The following MTPN variants were observed in gnomAD, a reference collection of about 807,000 sequenced individuals.
MTPN encodes the protein myotrophin.
MTPN carries 2 observed loss-of-function variants against 13.5 expected under a neutral mutation model. The observed-to-expected ratio is 0.15, with a 90% CI of 0.06 to 0.47. The LOEUF (loss-of-function observed/expected upper bound fraction) is 0.47. Among genes scored for constraint, MTPN ranks in the 20% least tolerant of loss-of-function variants. MTPN has a pLI of 0.97. For synonymous variants in MTPN, 46 were observed against 51.7 expected, an observed-to-expected ratio of 0.89 and a Z score of 0.48; for missense variants, 79 against 137.9, an observed-to-expected ratio of 0.57 and a Z score of 2.14.
chr7:135,968,101 T>A (rs1019100852), intron 1 of MTPN, among the ~76,000 whole-genome samples: 1 of 151,736 alleles, frequency 6.6e-6, no homozygotes, highest in Middle Eastern at 3.4e-3. Flanking sequence ...TGGCCTACAA[T>A]TTTTTTTTAA....
intron 1 of MTPN, among the ~76,000 whole-genome samples, chr7:135,975,858 T>C (rs1323854019): frequency 6.6e-6 from 1 of 152,202 alleles, no homozygotes; most frequent in Non-Finnish European, 1.5e-5. Context: ...TGTAATGGCA[T>C]TAAATAAAGT....
intron 1 of MTPN, among the ~76,000 whole-genome samples, chr7:135,970,621 T>C (rs1034290017): frequency 6.6e-6 from 1 of 152,136 alleles, no homozygotes; most frequent in Non-Finnish European, 1.5e-5. Flanking sequence ...CTATCAGTTT[T>C]AATTCATTAA....
chr7:135,972,231 G>GCGCGCGCGCGCGCACACACACA (rs779296906), intron 1 of MTPN, among the ~76,000 whole-genome samples: 2 of 124,700 alleles, frequency 1.6e-5, no homozygotes, highest in African/African-American at 6.0e-5. Context: ...GCACGCGCGC[G>GCGCGCGCGCGCGCACACACACA]CACACACACA....
In MTPN at chr7:135,929,372, G is replaced by A. The variant is rs1257627824; in HGVS notation, c.*554C>T. On this transcript the variant is annotated 3_prime_UTR_variant, in exon 4 of 4. Transcript: ENST00000393085. ...CACCTTAACTAAGCTTTCACATAAA[G>A]CTTAAAGTCACCGAGGAAAGATTTG... 6.0e-6 allele frequency: 1 copy of A among 167,350 alleles called. No individual in the cohort carries two copies. Among genetic ancestry groups the A allele is most frequent in the Non-Finnish European group, 1.5e-5 (1 of 68,372 alleles). The allele number at this position is 167,350 out of a possible 1,614,324, so 10.4% of individuals were successfully genotyped here.
chr7:135,949,152 A>G (rs1392014757), intron 3 of MTPN, among the ~76,000 whole-genome samples: 1 of 152,224 alleles, frequency 6.6e-6, no homozygotes, highest in Admixed American at 6.5e-5. Context: ...TTTACTGTTT[A>G]AGCCTGTCTG....
intron 3 of MTPN, among the ~76,000 whole-genome samples, chr7:135,942,342 TAA>T (rs1397538818): frequency 6.6e-6 from 1 of 152,208 alleles, no homozygotes; most frequent in African/African-American, 2.4e-5. Context: ...ACATCAATCC[TAA>T]AGTCTTTGTA....
intron 1 of MTPN, among the ~76,000 whole-genome samples, chr7:135,961,632 T>G (rs748142980): frequency 2.0e-5 from 3 of 151,920 alleles, no homozygotes; most frequent in Non-Finnish European, 4.4e-5. Flanking sequence ...GGATTACAGG[T>G]TCAATGTGCT....
chr7:135,955,638 C>T (rs1799431827), intron 1 of MTPN, among the ~76,000 whole-genome samples: 1 of 152,068 alleles, frequency 6.6e-6, no homozygotes, highest in East Asian at 1.9e-4. Context: ...TACTGTATGC[C>T]AATATTCCTC....
At chr7:135,968,065 G>A (rs1584820536) in intron 1 of MTPN, among the ~76,000 whole-genome samples, 1 of 151,824 alleles carries the variant, frequency 6.6e-6, no homozygotes, top group East Asian at 1.9e-4. Flanking sequence ...CAAAATGCTG[G>A]GATTACAGAC....
Position 135,941,881 on chromosome 7 carries a change from C to CT in MTPN, c.270+8717dup, listed in dbSNP as rs564045963. 4.9e-3 allele frequency among the ~76,000 whole-genome samples: 665 copies of CT among 136,164 alleles called. 3 individuals are homozygous for CT. Among genetic ancestry groups the CT allele is most frequent in the East Asian group, 0.013 (64 of 4,744 alleles). 89.3% of individuals were successfully genotyped at this position (136,164 alleles called of 152,430 possible). A position where few individuals can be genotyped will look rare whatever the true frequency, so the allele number is the denominator to read the frequency against. On this transcript the variant is annotated intron_variant, in intron 3 of 3. Coordinates refer to ENST00000393085, the MANE Select transcript of MTPN (RefSeq NM_145808.4). ...AGTCACATATTGAGCTGTTATATTACTTTTTTTTTTTTTTTTTTGAGACGG... is the reference window on the plus strand; with the variant it reads ...AGTCACATATTGAGCTGTTATATTACTTTTTTTTTTTTTTTTTTTGAGACGG...
chr7:135,973,925 C>T (rs1480742215), intron 1 of MTPN, among the ~76,000 whole-genome samples: 1 of 152,042 alleles, frequency 6.6e-6, no homozygotes, highest in African/African-American at 2.4e-5. Context: ...AAATGTGGTC[C>T]TTAAGTCAGT....
At chr7:135,940,112 T>G (rs1010060736) in intron 3 of MTPN, among the ~76,000 whole-genome samples, 1 of 152,204 alleles carries the variant, frequency 6.6e-6, no homozygotes, top group South Asian at 2.1e-4. Flanking sequence ...AAGAACTCCA[T>G]TATCTCATGA....
At chr7:135,932,690 T>TTA (rs746424892) in intron 3 of MTPN, 2 of 151,934 alleles carry the variant, frequency 1.3e-5, no homozygotes, top group Non-Finnish European at 2.9e-5. Context: ...TAAAAAAAAT[T>TTA]ACTAGAGACA....
At chr7:135,945,078 T>G (rs1317185484) in intron 3 of MTPN, among the ~76,000 whole-genome samples, 2 of 152,216 alleles carry the variant, frequency 1.3e-5, no homozygotes, top group East Asian at 3.8e-4. Context: ...AGTATTTGTG[T>G]ATCTAAACAT....
intron 1 of MTPN, among the ~76,000 whole-genome samples, chr7:135,969,238 T>TAAAAAAAAAAAAAAAAAAAAA (rs57871609): frequency 9.2e-6 from 1 of 109,106 alleles, no homozygotes; most frequent in Non-Finnish European, 1.9e-5. Context: ...TAAAGTATAA[T>TAAAAAAAAAAAAAAAAAAAAA]AAAAAAAAAA....
chr7:135,934,982 T>TTG (rs2116344783), intron 3 of MTPN, among the ~76,000 whole-genome samples: 1 of 152,296 alleles, frequency 6.6e-6, no homozygotes, highest in South Asian at 2.1e-4. Context: ...CTTACCTACT[T>TTG]TAAGTTCCAT....
chr7:135,942,458 T>A (rs1799229983), intron 3 of MTPN, among the ~76,000 whole-genome samples: 2 of 152,328 alleles, frequency 1.3e-5, no homozygotes, highest in Middle Eastern at 6.8e-3. Context: ...ATGTAATGGT[T>A]ACAGACACAG....
intron 1 of MTPN, among the ~76,000 whole-genome samples, chr7:135,955,588 T>C (rs1799430301): frequency 6.6e-6 from 1 of 152,186 alleles, no homozygotes; most frequent in South Asian, 2.1e-4. Flanking sequence ...AGTTCAGCAT[T>C]ACTTTGATTC....
chr7:135,969,533 T>A (rs1327626411), intron 1 of MTPN, among the ~76,000 whole-genome samples: 1 of 149,280 alleles, frequency 6.7e-6, no homozygotes, highest in South Asian at 2.1e-4. Context: ...AAAAAAAGTA[T>A]ACACTTATTT....
Sources: allele counts gnomAD v4.1 joint callset (sites outside exome capture counted in the v4.1 genomes callset), GRCh38; gene constraint gnomAD v4.1.1; transcripts MANE v1.5; gene names NCBI Gene and HGNC (gene_info 2026-07-23, HGNC 2026-07-21).